SUGCT: variants seen among roughly 807,000 people sequenced by gnomAD.
SUGCT encodes the protein succinyl-CoA:glutarate CoA-transferase.
SUGCT carries 41 observed loss-of-function variants against 55.0 expected under a neutral mutation model. The ratio of observed to expected loss-of-function variants is 0.74; its 90% CI spans 0.58 to 0.97. The LOEUF is 0.97. Among genes scored for constraint, SUGCT ranks in the 50% least tolerant of loss-of-function variants. SUGCT has a pLI of 0.00. For missense variants in SUGCT, 568 were observed against 547.8 expected (o/e 1.04, Z -0.37); for synonymous variants, 187 against 200.4 (o/e 0.93, Z 0.56).
At chr7:40,752,238 T>G (rs562537447) in intron 13 of SUGCT, among the ~76,000 whole-genome samples, 1 of 152,210 alleles carries the variant, frequency 6.6e-6, no homozygotes, top group Non-Finnish European at 1.5e-5. Context: ...CCTACTCTTC[T>G]GACGGTCATG....
chr7:40,175,411 G>A (rs1033396253), intron 1 of SUGCT, among the ~76,000 whole-genome samples: 2 of 152,054 alleles, frequency 1.3e-5, no homozygotes, highest in African/African-American at 4.8e-5. Context: ...GTAGAGACAG[G>A]GTTTCGCCAT....
At chr7:40,245,463 G>A (rs1584445676) in intron 7 of SUGCT, among the ~76,000 whole-genome samples, 1 of 58,530 alleles carries the variant, frequency 1.7e-5, no homozygotes, top group Non-Finnish European at 3.2e-5. Flanking sequence ...TTTTTGAGAT[G>A]GAGTCTCGCT....
At chr7:40,677,965 A>G (rs1392094442) in intron 12 of SUGCT, among the ~76,000 whole-genome samples, 2 of 152,330 alleles carry the variant, frequency 1.3e-5, no homozygotes, top group South Asian at 2.1e-4. Flanking sequence ...GCCCAGGGAC[A>G]TGGCTGGCCA....
At chr7:40,493,461 G>A (rs747779390) in intron 11 of SUGCT, among the ~76,000 whole-genome samples, 3 of 152,100 alleles carry the variant, frequency 2.0e-5, no homozygotes, top group Non-Finnish European at 4.4e-5. Flanking sequence ...AGAGAAAAAT[G>A]TTTCATTTCT....
At chr7:40,813,407 A>G (rs556457449) in intron 13 of SUGCT, among the ~76,000 whole-genome samples, 4 of 152,116 alleles carry the variant, frequency 2.6e-5, no homozygotes, top group Non-Finnish European at 4.4e-5. Context: ...TTGGATGTAT[A>G]TATATTTAGG....
intron 12 of SUGCT, among the ~76,000 whole-genome samples, chr7:40,692,453 A>C (rs1280437396): frequency 6.6e-6 from 1 of 152,216 alleles, no homozygotes; most frequent in African/African-American, 2.4e-5. Context: ...AAAGCTTGAC[A>C]GTCCTGATTT....
chr7:40,831,374 C>A lies in SUGCT; in HGVS notation c.1154-28942C>A, dbSNP rs1397493547. On this transcript the variant is annotated intron_variant, in intron 13 of 13. Transcript: ENST00000335693. ...TCAGAGGAGCAATAGCCTTCATGGG[C>A]CACCCAGAAGTTGGATATAAGAAAA... Among the ~76,000 whole-genome samples, 3 of 152,252 alleles carry A rather than the reference C, an allele frequency of 2.0e-5. No individual in the cohort carries two copies. In the East Asian group the frequency reaches 5.8e-4, roughly 29 times the overall value.
intron 1 of SUGCT, among the ~76,000 whole-genome samples, chr7:40,151,155 G>A (rs988501495): frequency 6.6e-6 from 1 of 152,158 alleles, no homozygotes; most frequent in Non-Finnish European, 1.5e-5. Flanking sequence ...CAGGAGAATC[G>A]CTTGAACCCG....
At chr7:40,899,106 C>G in the SUGCT span, among the ~76,000 whole-genome samples, 4 of 152,146 alleles carry the variant, frequency 2.6e-5, no homozygotes, top group African/African-American at 4.8e-5. Flanking sequence ...GGGAGAACCT[C>G]TGATAGGAGG....
intron 9 of SUGCT, among the ~76,000 whole-genome samples, chr7:40,357,838 A>C (rs561546922): frequency 5.9e-5 from 9 of 151,844 alleles, no homozygotes; most frequent in African/African-American, 2.2e-4. Context: ...TAAACATGTA[A>C]AGAACATTCT....
chr7:40,150,052 C>G (rs1284065489), intron 1 of SUGCT, among the ~76,000 whole-genome samples: 1 of 121,726 alleles, frequency 8.2e-6, no homozygotes, highest in African/African-American at 4.0e-5. Flanking sequence ...AAGATCACGC[C>G]ACTGCACTCC....
intron 9 of SUGCT, among the ~76,000 whole-genome samples, chr7:40,345,577 A>G (rs1475790215): frequency 6.6e-6 from 1 of 152,100 alleles, no homozygotes; most frequent in East Asian, 1.9e-4. Flanking sequence ...TTCATTCAGT[A>G]TGGCACCATT....
chr7:40,614,153 A>G (rs1798891991), intron 12 of SUGCT, among the ~76,000 whole-genome samples: 1 of 151,834 alleles, frequency 6.6e-6, no homozygotes, highest in African/African-American at 2.4e-5. Flanking sequence ...TACATTATCC[A>G]ATTGACTTTG....
intron 12 of SUGCT, among the ~76,000 whole-genome samples, chr7:40,667,244 A>G (rs112711877): frequency 0.012 from 1,804 of 146,304 alleles, 35 homozygotes; most frequent in African/African-American, 0.043. Flanking sequence ...AATTTAATTA[A>G]TTATATTTAT....
At chr7:40,303,490 T>TC in intron 8 of SUGCT, among the ~76,000 whole-genome samples, 1 of 151,866 alleles carries the variant, frequency 6.6e-6, no homozygotes, top group East Asian at 1.9e-4. Flanking sequence ...CCATTTCTTC[T>TC]CTTTTTTTTT....
intron 12 of SUGCT, among the ~76,000 whole-genome samples, chr7:40,531,109 C>T (rs897457246): frequency 6.6e-6 from 1 of 152,160 alleles, no homozygotes; most frequent in African/African-American, 2.4e-5. Flanking sequence ...AAGAATGCAT[C>T]GGAAGCCAAG....
chr7:40,410,045 C>A (rs1406024626), intron 9 of SUGCT, among the ~76,000 whole-genome samples: 5 of 151,870 alleles, frequency 3.3e-5, no homozygotes, highest in African/African-American at 9.7e-5. Flanking sequence ...AGAATCTTTG[C>A]CCCTTGTGTA....
chr7:40,797,326 T>C (rs1563010556), intron 13 of SUGCT, among the ~76,000 whole-genome samples: 2 of 152,318 alleles, frequency 1.3e-5, no homozygotes, highest in East Asian at 3.9e-4. Flanking sequence ...AACTGTTTTT[T>C]TTAATTTGGA....
At chr7:40,393,787 G>A (rs1785572886) in intron 9 of SUGCT, among the ~76,000 whole-genome samples, 1 of 152,186 alleles carries the variant, frequency 6.6e-6, no homozygotes, top group Admixed American at 6.5e-5. Context: ...TTTAGAGCAT[G>A]TGTGGGTCAT....
Sources: allele counts gnomAD v4.1 joint callset (sites outside exome capture counted in the v4.1 genomes callset), GRCh38; gene constraint gnomAD v4.1.1; transcripts MANE v1.5; gene names NCBI Gene and HGNC (gene_info 2026-07-23, HGNC 2026-07-21).